Variants in TASP1 observed in about 807,000 individuals in gnomAD.
TASP1 encodes threonine aspartase 1.
In TASP1, 16 loss-of-function variants were observed where a neutral mutation model predicts 56.6. The observed-to-expected ratio is 0.28, with a 90% confidence interval of 0.19 to 0.43. The LOEUF (loss-of-function observed/expected upper bound fraction) is 0.43. TASP1 is among the 20% of genes least tolerant of loss of function. The pLI is 1.00. For synonymous variants in TASP1, 179 were observed against 184.2 expected, an observed-to-expected ratio of 0.97 and a Z score of 0.23; for missense variants, 393 against 511.6, an observed-to-expected ratio of 0.77 and a Z score of 2.24.
chr20:13,576,385 GAA>G lies in TASP1; in HGVS notation c.488+4510_488+4511del, dbSNP rs577007429. Among the ~76,000 whole-genome samples the G allele has an allele frequency of 1.3e-4, 19 of 150,310 alleles. No individual in the cohort carries two copies. The South Asian group carries it at 4.0e-3, about 32-fold the overall frequency. The stretch of plus-strand genomic sequence containing the variant: ...AGAAAGAAAGAAAGAAAGAAAGAAA[GAA>G]AGAAAGAAAGTCAGTCTTATGGAAT... On this transcript the variant is annotated intron_variant, in intron 6 of 13. Transcript: ENST00000337743.
chr20:13,298,194 C>T, the TASP1 span, among the ~76,000 whole-genome samples: 4 of 152,186 alleles, frequency 2.6e-5, no homozygotes, highest in Admixed American at 2.6e-4. Context: ...CAACCTCTGC[C>T]TCCCAGGTTC....
the TASP1 span, among the ~76,000 whole-genome samples, chr20:13,311,239 TAGATGATA>T: frequency 1.2e-3 from 128 of 110,354 alleles, no homozygotes; most frequent in African/African-American, 3.9e-3. Context: ...GATAGATAGA[TAGATGATA>T]GATAGATAGA....
At chr20:13,316,761 A>G in the TASP1 span, among the ~76,000 whole-genome samples, 18,031 of 151,824 alleles carry the variant, frequency 0.12, 1,519 homozygotes, top group Non-Finnish European at 0.18. Flanking sequence ...AAAACTTTCA[A>G]TGAACTAGGA....
At chr20:13,516,658 G>GTTTTTTTTTTTTTTTTTTTT (rs34296221) in intron 10 of TASP1, among the ~76,000 whole-genome samples, 1 of 124,852 alleles carries the variant, frequency 8.0e-6, no homozygotes, top group Admixed American at 8.2e-5. Context: ...TTACGCCTTT[G>GTTTTTTTTTTTTTTTTTTTT]TTTTTTTTTT....
Position 13,563,601 on chromosome 20 carries a change from G to A in TASP1, c.569-4487C>T, listed in dbSNP as rs118037942. ...AATTTATTCCTAAGAAGCAAAGGTCGTTCAACATATGAAAATCAATGTTAT... is the reference window on the plus strand; with the variant it reads ...AATTTATTCCTAAGAAGCAAAGGTCATTCAACATATGAAAATCAATGTTAT... On this transcript the variant is annotated intron_variant, in intron 7 of 13. Coordinates refer to ENST00000337743, the MANE Select transcript of TASP1 (RefSeq NM_017714.3). Among the ~76,000 whole-genome samples the A allele has an allele frequency of 4.0e-4, 60 of 151,036 alleles. 1 individual carries two copies. The East Asian group carries it at 0.011, about 27-fold the overall frequency.
chr20:13,236,175 G>A, the TASP1 span, among the ~76,000 whole-genome samples: 647 of 152,168 alleles, frequency 4.3e-3, 2 homozygotes, highest in African/African-American at 0.015. Context: ...CACCCACCTC[G>A]GCCTCCCAAA....
intron 6 of TASP1, among the ~76,000 whole-genome samples, chr20:13,572,526 C>T (rs1172143680): frequency 6.6e-6 from 1 of 151,572 alleles, no homozygotes; most frequent in African/African-American, 2.4e-5. Flanking sequence ...TTTACCAAAA[C>T]TATAAAAAAA....
chr20:13,525,250 G>T (rs1466567031), intron 10 of TASP1, among the ~76,000 whole-genome samples: 1 of 152,176 alleles, frequency 6.6e-6, no homozygotes, highest in Non-Finnish European at 1.5e-5. Context: ...ACCCCTTACA[G>T]TAATGGTAGA....
intron 6 of TASP1, among the ~76,000 whole-genome samples, chr20:13,576,204 A>C (rs2046900407): frequency 1.5e-5 from 1 of 65,250 alleles, no homozygotes; most frequent in Admixed American, 2.3e-4. Context: ...TCCGAGACAG[A>C]AGGGGGAGGG....
At chr20:13,412,971 A>T (rs187113895) in intron 13 of TASP1, among the ~76,000 whole-genome samples, 104 of 152,174 alleles carry the variant, frequency 6.8e-4, no homozygotes, top group African/African-American at 2.5e-3. Flanking sequence ...TTATTCTCAT[A>T]TTACAGATGA....
chr20:13,602,294 A>C (rs1366350290), intron 4 of TASP1, among the ~76,000 whole-genome samples: 1 of 152,202 alleles, frequency 6.6e-6, no homozygotes, highest in Non-Finnish European at 1.5e-5. Flanking sequence ...AAAAACAAGG[A>C]AAGTCTGAGA....
At chr20:13,549,823 C>T (rs901868936) in intron 8 of TASP1, among the ~76,000 whole-genome samples, 9 of 152,008 alleles carry the variant, frequency 5.9e-5, no homozygotes, top group Non-Finnish European at 1.2e-4. Flanking sequence ...TTAAATACTA[C>T]AAATTTTAAG....
intron 6 of TASP1, among the ~76,000 whole-genome samples, chr20:13,571,880 G>T (rs1682108935): frequency 6.6e-6 from 1 of 151,982 alleles, no homozygotes; most frequent in African/African-American, 2.4e-5. Flanking sequence ...CCAGCCTCAG[G>T]GTCTTCACCC....
intron 12 of TASP1, among the ~76,000 whole-genome samples, chr20:13,433,793 A>G (rs1057451475): frequency 6.6e-6 from 1 of 151,544 alleles, no homozygotes; most frequent in Non-Finnish European, 1.5e-5. Context: ...AATTTATAGG[A>G]AGGGTTAAAC....
intron 7 of TASP1, among the ~76,000 whole-genome samples, chr20:13,564,992 G>T (rs1471583344): frequency 2.2e-5 from 3 of 136,340 alleles, no homozygotes; most frequent in Non-Finnish European, 3.1e-5. Flanking sequence ...GGGCAACAGA[G>T]TAAGACTCCA....
At chr20:13,222,999 C>T in the TASP1 span, among the ~76,000 whole-genome samples, 1 of 151,984 alleles carries the variant, frequency 6.6e-6, no homozygotes, top group Admixed American at 6.5e-5. Context: ...CCCGTCTCTA[C>T]TAAAAATACA....
chr20:13,556,487 T>C (rs2046161190), intron 8 of TASP1, among the ~76,000 whole-genome samples: 2 of 152,200 alleles, frequency 1.3e-5, no homozygotes, highest in Admixed American at 6.5e-5. Flanking sequence ...TGGCTAGCCA[T>C]TATTCTTGAA....
intron 11 of TASP1, among the ~76,000 whole-genome samples, chr20:13,470,117 T>C (rs1489413396): frequency 1.3e-5 from 2 of 152,112 alleles, no homozygotes; most frequent in Non-Finnish European, 2.9e-5. Context: ...AAGTCTCAAA[T>C]GTCTATTACC....
At chr20:13,354,769 C>T in the TASP1 span, among the ~76,000 whole-genome samples, 5 of 151,586 alleles carry the variant, frequency 3.3e-5, no homozygotes, top group African/African-American at 1.2e-4. Context: ...CGCATCAAAA[C>T]AGGGTGATGG....
Sources: allele counts gnomAD v4.1 joint callset (sites outside exome capture counted in the v4.1 genomes callset), GRCh38; gene constraint gnomAD v4.1.1; transcripts MANE v1.5; gene names NCBI Gene and HGNC (gene_info 2026-07-23, HGNC 2026-07-21).